Variants in FAM78B observed in about 807,000 individuals in gnomAD.
FAM78B encodes the protein family with sequence similarity 78 member B, also known as protein FAM78B.
In FAM78B, 10 loss-of-function variants were observed where a neutral mutation model predicts 20.0. The observed-to-expected ratio is 0.50, with a 90% CI of 0.31 to 0.85. The LOEUF is 0.85. FAM78B is among the 40% of genes least tolerant of loss of function. FAM78B has a pLI of 0.05. For missense variants in FAM78B, 283 were observed against 345.0 expected (o/e 0.82, Z 1.42); for synonymous variants, 135 against 132.8 (o/e 1.02, Z -0.12).
In FAM78B at chr1:166,109,828, A is replaced by G. The variant is rs1231195537; in HGVS notation, c.264-39065T>C. Among the ~76,000 whole-genome samples the G allele has an allele frequency of 1.5e-3, 28 of 18,850 alleles. 3 individuals carry two copies. Among genetic ancestry groups the G allele is most frequent in the South Asian group, 4.6e-3 (2 of 434 alleles). The allele number at this position is 18,850 out of a possible 152,430, so 12.4% of individuals were successfully genotyped here. ...TATGTATATATGTATATATATATAT[A>G]TATGTATATATGTATATATATATAT... On this transcript the variant is annotated intron_variant, in intron 1 of 1. Coordinates refer to ENST00000354422, the MANE Select transcript of FAM78B (RefSeq NM_001017961.5).
At chr1:166,145,093 C>T (rs1655409798) in intron 1 of FAM78B, among the ~76,000 whole-genome samples, 1 of 152,164 alleles carries the variant, frequency 6.6e-6, no homozygotes. Flanking sequence ...GAAATGCCCT[C>T]AACTTGGGTC....
chr1:166,096,685 C>G lies in FAM78B; in HGVS notation c.264-25922G>C, dbSNP rs371140102. On this transcript the variant is annotated intron_variant, in intron 1 of 1. Coordinates refer to ENST00000354422, the MANE Select transcript of FAM78B (RefSeq NM_001017961.5). Reference sequence around the variant, plus strand: ...GAGAGGCCTGCCTCAATGTTCTTGTCCTCCTCTCCTTACCCAGTTGGTCTT... The same window carrying G: ...GAGAGGCCTGCCTCAATGTTCTTGTGCTCCTCTCCTTACCCAGTTGGTCTT... 3.9e-5 allele frequency among the ~76,000 whole-genome samples: 6 copies of G among 152,286 alleles called. No individual in the cohort carries two copies. The South Asian group carries it at 6.2e-4, about 16-fold the overall frequency.
chr1:166,111,127 CA>C (rs1243600665), intron 1 of FAM78B, among the ~76,000 whole-genome samples: 1 of 152,176 alleles, frequency 6.6e-6, no homozygotes, highest in Non-Finnish European at 1.5e-5. Flanking sequence ...GACCATCCCA[CA>C]AACACTAGCA....
intron 1 of FAM78B, among the ~76,000 whole-genome samples, chr1:166,103,256 G>A (rs147494874): frequency 6.6e-6 from 1 of 152,186 alleles, no homozygotes; most frequent in Non-Finnish European, 1.5e-5. Context: ...AAGCAGGAAA[G>A]ATCTAAAATT....
At chr1:166,122,746 G>T (rs550739477) in intron 1 of FAM78B, among the ~76,000 whole-genome samples, 1 of 152,166 alleles carries the variant, frequency 6.6e-6, no homozygotes, top group Non-Finnish European at 1.5e-5. Flanking sequence ...CAGGATTATT[G>T]CGAGAATTCA....
chr1:166,142,928 T>G (rs1368266410), intron 1 of FAM78B, among the ~76,000 whole-genome samples: 1 of 152,110 alleles, frequency 6.6e-6, no homozygotes. Flanking sequence ...GGGAGCTCAG[T>G]CCAGAGAGGG....
chr1:166,063,731 T>C (rs1188016205), intron 2 of FAM78B, among the ~76,000 whole-genome samples: 1 of 152,208 alleles, frequency 6.6e-6, no homozygotes, highest in Non-Finnish European at 1.5e-5. Context: ...ACTGGCTGTA[T>C]TCCTCATAGT....
intron 1 of FAM78B, among the ~76,000 whole-genome samples, chr1:166,074,788 A>T (rs1215012768): frequency 1.3e-5 from 2 of 152,262 alleles, no homozygotes; most frequent in African/African-American, 4.8e-5. Flanking sequence ...AGTAGTGAAT[A>T]TGAATGTATT....
chr1:166,111,641 TC>T (rs1654062260), intron 1 of FAM78B, among the ~76,000 whole-genome samples: 2 of 152,220 alleles, frequency 1.3e-5, no homozygotes, highest in African/African-American at 4.8e-5. Flanking sequence ...AAGGTCAAAG[TC>T]TACGTCTTTA....
intron 2 of FAM78B, among the ~76,000 whole-genome samples, chr1:166,061,861 C>T (rs574501701): frequency 4.6e-5 from 7 of 152,304 alleles, no homozygotes; most frequent in Admixed American, 1.3e-4. Context: ...TGTGGTTGCA[C>T]GTGTGCAGAG....
chr1:166,156,732 C>G (rs999313152), intron 1 of FAM78B, among the ~76,000 whole-genome samples: 29 of 152,216 alleles, frequency 1.9e-4, no homozygotes, highest in African/African-American at 6.7e-4. Flanking sequence ...TCACTGTCCC[C>G]CTAAGGTGGA....
chr1:166,074,730 G>A (rs1394549174), intron 1 of FAM78B, among the ~76,000 whole-genome samples: 2 of 152,144 alleles, frequency 1.3e-5, no homozygotes, highest in Non-Finnish European at 2.9e-5. Context: ...TGCACGGAAA[G>A]TTGCTTATCC....
intron 1 of FAM78B, among the ~76,000 whole-genome samples, chr1:166,084,951 G>T (rs115539119): frequency 0.012 from 1,881 of 152,334 alleles, 22 homozygotes; most frequent in South Asian, 0.033. Context: ...AACACCTAAT[G>T]CCTTTCTTCT....
chr1:166,067,903 A>AT (rs1322078675), downstream of FAM78B, among the ~76,000 whole-genome samples: 2 of 152,120 alleles, frequency 1.3e-5, no homozygotes, highest in African/African-American at 2.4e-5. Context: ...AAAAACTGTG[A>AT]TTTTTCATGG....
At chr1:166,126,409 T>C (rs897002694) in intron 1 of FAM78B, among the ~76,000 whole-genome samples, 1 of 152,060 alleles carries the variant, frequency 6.6e-6, no homozygotes, top group Non-Finnish European at 1.5e-5. Context: ...GTAAACCATG[T>C]AGTAGGTTAG....
intron 1 of FAM78B, among the ~76,000 whole-genome samples, chr1:166,155,411 C>T (rs544703929): frequency 2.0e-4 from 31 of 152,278 alleles, no homozygotes; most frequent in African/African-American, 7.5e-4. Context: ...AATAATGGTG[C>T]TACCTACTTT....
In FAM78B at chr1:166,103,350, G is replaced by A. The variant is rs182078201; in HGVS notation, c.264-32587C>T. On this transcript the variant is annotated intron_variant, in intron 1 of 1. Transcript: ENST00000354422. Reference sequence around the variant, plus strand: ...CTAGCAGAAGGCAAGAAATAACTAAGATCAGAGCAGAACTGAAGGAAATAG... The same window carrying A: ...CTAGCAGAAGGCAAGAAATAACTAAAATCAGAGCAGAACTGAAGGAAATAG... Among the ~76,000 whole-genome samples, 1,234 of 152,152 alleles carry A rather than the reference G, an allele frequency of 8.1e-3. 26 individuals are homozygous for A. The highest frequency in any genetic ancestry group is 0.028 in the African/African-American group (1,164 of 41,516).
intron 1 of FAM78B, among the ~76,000 whole-genome samples, chr1:166,089,092 T>G (rs1652957712): frequency 6.6e-6 from 1 of 152,174 alleles, no homozygotes; most frequent in Non-Finnish European, 1.5e-5. Context: ...CACTGCTCCC[T>G]TGGGCAACTG....
chr1:166,092,899 G>T (rs1165012306), intron 1 of FAM78B, among the ~76,000 whole-genome samples: 1 of 152,154 alleles, frequency 6.6e-6, no homozygotes, highest in Non-Finnish European at 1.5e-5. Flanking sequence ...TGGTTAGGTG[G>T]ATATGATCAT....
Sources: gnomAD v4.1 joint callset for allele counts (sites outside exome capture counted in the v4.1 genomes callset) on GRCh38, gnomAD v4.1.1 for gene constraint, MANE v1.5 for transcripts, NCBI Gene and HGNC (gene_info 2026-07-23, HGNC 2026-07-21) for gene names.